Variants in CREBL2 observed in about 807,000 individuals in gnomAD.
The protein encoded by CREBL2 is cAMP-responsive element-binding protein-like 2.
CREBL2 carries 4 observed loss-of-function variants against 19.5 expected under a neutral mutation model. The ratio of observed to expected loss-of-function variants is 0.20; its 90% confidence interval spans 0.10 to 0.47. The LOEUF is 0.47. Ranked by LOEUF, CREBL2 falls within the 20% of genes least tolerant of loss-of-function variation. CREBL2 has a pLI of 0.98. For synonymous variants in CREBL2, 42 were observed against 46.6 expected, an observed-to-expected ratio of 0.90 and a Z score of 0.40; for missense variants, 85 against 145.1, an observed-to-expected ratio of 0.59 and a Z score of 2.13.
rs1945554144 is a variant in CREBL2 at position 12,645,008 on chromosome 12, G to A, written c.*3010G>A. The A allele has an allele frequency of 6.6e-6, 1 of 152,180 alleles. No individual in the cohort carries two copies. Among genetic ancestry groups the A allele is most frequent in the Non-Finnish European group, 1.5e-5 (1 of 68,024 alleles). The allele number at this position is 152,180 out of a possible 1,614,324, so 9.4% of individuals were successfully genotyped here. A position where few individuals can be genotyped will look rare whatever the true frequency, so the allele number is the denominator to read the frequency against. ...AGCCTGCTTTCTCATCTGTAAAAAA[G>A]GGGGGAGGATAACTTTCACAGGGTA... On this transcript the variant is annotated 3_prime_UTR_variant, in exon 4 of 4. Transcript: ENST00000228865.
In CREBL2 at chr12:12,639,802, G is replaced by A. The variant is rs989733916; in HGVS notation, c.358+2088G>A. Among the ~76,000 whole-genome samples the A allele has an allele frequency of 9.9e-5, 15 of 152,144 alleles. 1 individual carries two copies. In the South Asian group the frequency reaches 1.7e-3, roughly 17 times the overall value. Reference sequence around the variant, plus strand: ...GCCGCCAGGGGTGACATCACATATCGGTAGGACCGTGATGCCCGCCTGAGT... The same window carrying A: ...GCCGCCAGGGGTGACATCACATATCAGTAGGACCGTGATGCCCGCCTGAGT... On this transcript the variant is annotated intron_variant, in intron 3 of 3. Coordinates refer to ENST00000228865, the MANE Select transcript of CREBL2 (RefSeq NM_001310.4).
intron 1 of CREBL2, among the ~76,000 whole-genome samples, chr12:12,627,036 T>C (rs1945407551): frequency 6.6e-6 from 1 of 152,076 alleles, no homozygotes; most frequent in Non-Finnish European, 1.5e-5. Flanking sequence ...TGTCAGGGTT[T>C]CAGGAGAGGG....
intron 1 of CREBL2, among the ~76,000 whole-genome samples, chr12:12,618,724 A>G (rs1443452803): frequency 3.3e-5 from 5 of 152,062 alleles, no homozygotes; most frequent in African/African-American, 1.2e-4. Flanking sequence ...GCGCCACTGC[A>G]CTCCAGCCTG....
At position 12,612,050 on chromosome 12, in the gene CREBL2, C is replaced by T; in HGVS notation, c.-123C>T. On this transcript the variant is annotated 5_prime_UTR_variant, in exon 1 of 4. Coordinates refer to ENST00000228865, the MANE Select transcript of CREBL2 (RefSeq NM_001310.4). ...GGCATCAGGGAAGCGAACTGTTAGGCGAGAGGAGGAGGCAGCCAGAACCAT... is the reference window on the plus strand; with the variant it reads ...GGCATCAGGGAAGCGAACTGTTAGGTGAGAGGAGGAGGCAGCCAGAACCAT... The T allele has an allele frequency of 8.5e-7, 1 of 1,180,508 alleles. No homozygotes were observed. Among genetic ancestry groups the T allele is most frequent in the Non-Finnish European group, 1.2e-6 (1 of 813,146 alleles). 73.1% of individuals were successfully genotyped at this position (1,180,508 alleles called of 1,614,324 possible). A position where few individuals can be genotyped will look rare whatever the true frequency, so the allele number is the denominator to read the frequency against.
At chr12:12,641,792 G>A (rs1945524356) in intron 3 of CREBL2, among the ~76,000 whole-genome samples, 1 of 151,932 alleles carries the variant, frequency 6.6e-6, no homozygotes, top group Non-Finnish European at 1.5e-5. Flanking sequence ...CTACTGAAAT[G>A]TTTAAAAATT....
Position 12,611,927 on chromosome 12 carries a change from G to T in CREBL2, c.-246G>T. On this transcript the variant is annotated 5_prime_UTR_variant, in exon 1 of 4. The change creates a new upstream start codon in the 5' untranslated region. Coordinates refer to ENST00000228865, the MANE Select transcript of CREBL2 (RefSeq NM_001310.4). ...GTAAACACCCAGAGACTGTCATGGA[G>T]GGGGAGGAGGAGGCGGCGGCGGCGA... is the stretch of plus-strand genomic sequence containing the variant. 5.2e-6 allele frequency: 3 copies of T among 579,864 alleles called. No individual in the cohort carries two copies. Among genetic ancestry groups the T allele is most frequent in the South Asian group, 2.1e-5 (1 of 48,126 alleles). The allele number at this position is 579,864 out of a possible 1,614,324, so 35.9% of individuals were successfully genotyped here. A position where few individuals can be genotyped will look rare whatever the true frequency, so the allele number is the denominator to read the frequency against.
intron 1 of CREBL2, among the ~76,000 whole-genome samples, chr12:12,624,909 G>GT (rs1945389318): frequency 6.6e-6 from 1 of 152,202 alleles, no homozygotes; most frequent in Non-Finnish European, 1.5e-5. Context: ...GATGAAAGTA[G>GT]TTCTCAGCAG....
chr12:12,615,381 G>C (rs1945302937), intron 1 of CREBL2: 1 of 144,366 alleles, frequency 6.9e-6, no homozygotes, highest in South Asian at 2.2e-4. Context: ...TTTTTTAACA[G>C]AGACAGGGTT....
At chr12:12,612,262 G>A in intron 1 of CREBL2, 75 bp downstream of exon 1, 3 of 1,610,864 alleles carry the variant, frequency 1.9e-6, no homozygotes, top group Non-Finnish European at 2.5e-6. Context: ...CCTCCGCTAT[G>A]TAGTCCACGC....
In CREBL2 at chr12:12,611,877, G is replaced by C; in HGVS notation, c.-296G>C. ...GTGCAGCGCTCCCGCCCACCCTCCG[G>C]TCTCGGCGGCTCTCCAGAGCGTCTG... On this transcript the variant is annotated 5_prime_UTR_variant, in exon 1 of 4. Transcript: ENST00000228865. The C allele has an allele frequency of 2.0e-6, 1 of 510,014 alleles. No homozygotes were observed. The highest frequency in any genetic ancestry group is 3.5e-6 in the Non-Finnish European group (1 of 288,076). 31.6% of individuals were successfully genotyped at this position (510,014 alleles called of 1,614,324 possible).
At chr12:12,638,809 C>T (rs1469416213) in intron 3 of CREBL2, among the ~76,000 whole-genome samples, 2 of 152,112 alleles carry the variant, frequency 1.3e-5, no homozygotes, top group Non-Finnish European at 2.9e-5. Context: ...AGCCCATCAT[C>T]GTAAGGATTG....
chr12:12,640,993 A>C, intron 3 of CREBL2, among the ~76,000 whole-genome samples: 1 of 151,982 alleles, frequency 6.6e-6, no homozygotes, highest in East Asian at 1.9e-4. Context: ...CATGTTTTCT[A>C]AGAATTTTAT....
chr12:12,622,171 A>G (rs959998456), intron 1 of CREBL2, among the ~76,000 whole-genome samples: 1 of 152,214 alleles, frequency 6.6e-6, no homozygotes, highest in Non-Finnish European at 1.5e-5. Context: ...GTGATCCCAT[A>G]CCAAAATAAC....
chr12:12,619,990 A>G (rs899368434), intron 1 of CREBL2, among the ~76,000 whole-genome samples: 1 of 152,154 alleles, frequency 6.6e-6, no homozygotes, highest in African/African-American at 2.4e-5. Flanking sequence ...CTGGTTCTCA[A>G]AAAAATTTTA....
chr12:12,633,429 C>G (rs1945454679), intron 1 of CREBL2, among the ~76,000 whole-genome samples: 1 of 151,978 alleles, frequency 6.6e-6, no homozygotes, highest in Admixed American at 6.6e-5. Context: ...GAGTAAGACT[C>G]CATCTCAAAA....
intron 1 of CREBL2, among the ~76,000 whole-genome samples, chr12:12,629,090 G>C (rs1455396991): frequency 6.6e-6 from 1 of 152,038 alleles, no homozygotes; most frequent in African/African-American, 2.4e-5. Context: ...AGATTGTTTT[G>C]GTTATTCTGG....
At chr12:12,627,933 G>A (rs923702019) in intron 1 of CREBL2, among the ~76,000 whole-genome samples, 1 of 152,182 alleles carries the variant, frequency 6.6e-6, no homozygotes, top group Non-Finnish European at 1.5e-5. Context: ...TTGCCAGGAT[G>A]GAGTGGTGCA....
chr12:12,627,110 G>A (rs536068435), intron 1 of CREBL2, among the ~76,000 whole-genome samples: 5 of 152,088 alleles, frequency 3.3e-5, no homozygotes, highest in Non-Finnish European at 5.9e-5. Flanking sequence ...GATTCTGTAT[G>A]ATACTGCTTA....
At chr12:12,627,695 A>G (rs1203545575) in intron 1 of CREBL2, among the ~76,000 whole-genome samples, 1 of 152,182 alleles carries the variant, frequency 6.6e-6, no homozygotes, top group Non-Finnish European at 1.5e-5. Context: ...TTGATATACA[A>G]GTTCTAATGT....
Sources: allele counts gnomAD v4.1 joint callset (sites outside exome capture counted in the v4.1 genomes callset), GRCh38; gene constraint gnomAD v4.1.1; transcripts MANE v1.5; gene names NCBI Gene and HGNC (gene_info 2026-07-23, HGNC 2026-07-21).